Variants in NRG1 observed in about 807,000 individuals in gnomAD.
The protein encoded by NRG1 is pro-neuregulin-1, membrane-bound isoform.
Under a neutral mutation model 63.8 loss-of-function variants are expected in NRG1, and 18 were observed. The ratio of observed to expected loss-of-function variants is 0.28; its 90% confidence interval spans 0.19 to 0.42. The LOEUF is 0.42. Among genes scored for constraint, NRG1 ranks in the 10% least tolerant of loss-of-function variants. NRG1 has a pLI of 1.00. For missense variants in NRG1, 762 were observed against 814.7 expected, an observed-to-expected ratio of 0.94 and a Z score of 0.79; for synonymous variants, 302 against 301.3, an observed-to-expected ratio of 1.00 and a Z score of -0.02.
intron 1 of NRG1, among the ~76,000 whole-genome samples, chr8:32,075,300 C>T (rs980749015): frequency 1.7e-4 from 1 of 5,950 alleles, no homozygotes; most frequent in African/African-American, 1.8e-4. Flanking sequence ...AAGAATCATA[C>T]CAGAGTACAG....
At position 32,665,710 on chromosome 8, in the gene NRG1, A is replaced by C. The variant is rs16879710; in HGVS notation, c.502+48825A>C. On this transcript the variant is annotated intron_variant, in intron 5 of 11. Transcript: ENST00000356819. ...CAATTTCCACTTGTGCTGCTCAAAA[A>C]CAAGCCATTGATATTAGACGTGTAT... 4.6e-3 allele frequency among the ~76,000 whole-genome samples: 699 copies of C among 152,294 alleles called. 6 individuals are homozygous for C. The highest frequency in any genetic ancestry group is 0.016 in the African/African-American group (670 of 41,558).
intron 1 of NRG1, among the ~76,000 whole-genome samples, chr8:32,560,414 T>C (rs1165746551): frequency 1.3e-5 from 2 of 152,240 alleles, no homozygotes; most frequent in Non-Finnish European, 2.9e-5. Flanking sequence ...TATCTGTCTT[T>C]TATGTTGTCA....
chr8:32,308,582 A>G (rs1856480050), intron 1 of NRG1, among the ~76,000 whole-genome samples: 1 of 152,170 alleles, frequency 6.6e-6, no homozygotes, highest in South Asian at 2.1e-4. Flanking sequence ...AAGAGCATCA[A>G]AGCATGATGT....
intron 1 of NRG1, among the ~76,000 whole-genome samples, chr8:31,734,636 C>A (rs1244984375): frequency 6.6e-6 from 1 of 152,152 alleles, no homozygotes; most frequent in Non-Finnish European, 1.5e-5. Flanking sequence ...AACTTCAGCA[C>A]CTGCTAAAAA....
In NRG1 at chr8:31,640,347, C is replaced by G; in HGVS notation, c.37+916C>G. On this transcript the variant is annotated intron_variant, in intron 1 of 10. Coordinates refer to the NRG1 transcript ENST00000519301. The surrounding 1 kb of genome is among the most constrained non-coding windows in gnomAD (Gnocchi z 6.3). ...GCGATCGCGAGCCGCCAGCCGCGGG[C>G]CCACGGGCGCTGGGGCCGCCCGCCG... 1 of 1,206,022 alleles carries G rather than the reference C, an allele frequency of 8.3e-7. No homozygotes were observed. Among genetic ancestry groups the G allele is most frequent in the Non-Finnish European group, 1.0e-6 (1 of 972,478 alleles). 74.7% of individuals were successfully genotyped at this position (1,206,022 alleles called of 1,614,324 possible). A position where few individuals can be genotyped will look rare whatever the true frequency, so the allele number is the denominator to read the frequency against.
intron 5 of NRG1, among the ~76,000 whole-genome samples, chr8:32,675,679 T>A (rs1354415144): frequency 6.6e-6 from 1 of 152,136 alleles, no homozygotes; most frequent in Admixed American, 6.6e-5. Context: ...GATTGGGGAA[T>A]AGAGATAAGT....
chr8:32,287,865 A>T (rs17630726), intron 1 of NRG1, among the ~76,000 whole-genome samples: 8,337 of 152,250 alleles, frequency 0.055, 265 homozygotes, highest in South Asian at 0.07. Flanking sequence ...CTTTTTTGAT[A>T]ACATTGAGAT....
rs532487524 is a variant in NRG1, at chr8:32,461,845, G to A, written c.38-133983G>A. 5.3e-5 allele frequency among the ~76,000 whole-genome samples: 8 copies of A among 152,150 alleles called. No homozygotes were observed. The South Asian group carries it at 1.5e-3, about 28-fold the overall frequency. ...ATTCTTCTAAACCACCAAATAGTTC[G>A]AATAGAATAGCCTTAGATATCTAAT... On this transcript the variant is annotated intron_variant, in intron 1 of 10. Coordinates refer to the NRG1 transcript ENST00000519301.
At chr8:31,830,794 A>C (rs941436149) in intron 1 of NRG1, among the ~76,000 whole-genome samples, 4 of 152,054 alleles carry the variant, frequency 2.6e-5, no homozygotes, top group Non-Finnish European at 5.9e-5. Context: ...AAAAGAAAAG[A>C]ACTTCTGAGC....
At chr8:32,320,103 T>C (rs769536248) in intron 1 of NRG1, among the ~76,000 whole-genome samples, 1 of 152,178 alleles carries the variant, frequency 6.6e-6, no homozygotes, top group Non-Finnish European at 1.5e-5. Context: ...TGGATCTTGT[T>C]TTCCTCATTT....
chr8:32,610,888 A>G (rs1468413363), intron 3 of NRG1, among the ~76,000 whole-genome samples: 4 of 152,140 alleles, frequency 2.6e-5, no homozygotes, highest in Admixed American at 2.6e-4. Flanking sequence ...GAATTCGTAT[A>G]TGACAGCAGA....
intron 1 of NRG1, among the ~76,000 whole-genome samples, chr8:31,800,993 A>C (rs1351265690): frequency 7.0e-6 from 1 of 143,354 alleles, no homozygotes; most frequent in Admixed American, 7.1e-5. Flanking sequence ...GGCACCTGAC[A>C]CCACGCCCGC....
chr8:32,413,105 C>A (rs1363920872), intron 1 of NRG1, among the ~76,000 whole-genome samples: 1 of 152,156 alleles, frequency 6.6e-6, no homozygotes, highest in African/African-American at 2.4e-5. Flanking sequence ...TGTGCATATT[C>A]TTTGATCTAG....
chr8:31,679,025 A>G (rs2131047203), intron 1 of NRG1, among the ~76,000 whole-genome samples: 1 of 152,020 alleles, frequency 6.6e-6, no homozygotes, highest in African/African-American at 2.4e-5. Flanking sequence ...GTTAATCTTC[A>G]CCATAGGTAA....
At chr8:32,408,372 T>C (rs1814397070) in intron 1 of NRG1, among the ~76,000 whole-genome samples, 1 of 151,824 alleles carries the variant, frequency 6.6e-6, no homozygotes, top group Admixed American at 6.6e-5. Flanking sequence ...CAGTCCAGAG[T>C]TCAAGAACAG....
At chr8:32,647,180 G>C (rs1322749708) in intron 5 of NRG1, 1 of 985,360 alleles carries the variant, frequency 1.0e-6, no homozygotes, top group East Asian at 1.1e-4. Context: ...CCTTTCAGCC[G>C]TCGTCGCGTT....
chr8:31,733,244 A>T (rs1157844777), intron 1 of NRG1, among the ~76,000 whole-genome samples: 3 of 149,010 alleles, frequency 2.0e-5, no homozygotes, highest in African/African-American at 7.5e-5. Context: ...TTGATTCCAT[A>T]TTCTTTGCTG....
At chr8:31,977,621 A>T (rs1258380655) in intron 1 of NRG1, among the ~76,000 whole-genome samples, 1 of 152,148 alleles carries the variant, frequency 6.6e-6, no homozygotes, top group Non-Finnish European at 1.5e-5. Context: ...AACCAATTAT[A>T]GGTGAAATTT....
chr8:32,606,032 T>C (rs1224282580), intron 3 of NRG1, among the ~76,000 whole-genome samples: 1 of 151,540 alleles, frequency 6.6e-6, no homozygotes, highest in Non-Finnish European at 1.5e-5. Flanking sequence ...TACAGTCATA[T>C]ATATATACAG....
Sources: allele counts gnomAD v4.1 joint callset (sites outside exome capture counted in the v4.1 genomes callset), GRCh38; gene constraint gnomAD v4.1.1; non-coding constraint Gnocchi (gnomAD v3.1); transcripts MANE v1.5; gene names NCBI Gene and HGNC (gene_info 2026-07-23, HGNC 2026-07-21).